Variants in PDE1A observed in about 807,000 individuals in gnomAD.
PDE1A encodes the protein dual specificity calcium/calmodulin-dependent 3',5'-cyclic nucleotide phosphodiesterase 1A.
Under a neutral mutation model 61.7 loss-of-function variants are expected in PDE1A, and 35 were observed. That is an observed-to-expected ratio of 0.57 (90% CI 0.43 to 0.75). PDE1A has a LOEUF of 0.75. Ranked by LOEUF, PDE1A falls within the 30% of genes least tolerant of loss-of-function variation. PDE1A has a pLI of 0.00. For synonymous variants in PDE1A, 232 were observed against 213.2 expected (o/e 1.09, Z -0.77); for missense variants, 597 against 630.6 (o/e 0.95, Z 0.57).
At chr2:182,705,857 T>A in the PDE1A span, among the ~76,000 whole-genome samples, 1 of 152,130 alleles carries the variant, frequency 6.6e-6, no homozygotes, top group African/African-American at 2.4e-5. Flanking sequence ...GACAGTAGAG[T>A]TAAACAGTTA....
intron 13 of PDE1A, among the ~76,000 whole-genome samples, chr2:182,172,706 A>G (rs902245222): frequency 1.3e-5 from 2 of 152,106 alleles, no homozygotes; most frequent in Non-Finnish European, 2.9e-5. Flanking sequence ...TTATAAAACT[A>G]AATGATAGGC....
At chr2:182,330,344 T>TA (rs11340321) in intron 1 of PDE1A, among the ~76,000 whole-genome samples, 12 of 147,828 alleles carry the variant, frequency 8.1e-5, no homozygotes, top group African/African-American at 3.0e-4. Context: ...AACTCAGTCT[T>TA]AAAAAAAAAA....
exon 1 of PDE1A, chr2:182,426,601 T>A: frequency 6.2e-7 from 1 of 1,612,312 alleles, no homozygotes; most frequent in Non-Finnish European, 8.5e-7. Context: ...TTTGGAGATG[T>A]TTCTTCCTGA....
intron 6 of PDE1A, among the ~76,000 whole-genome samples, chr2:182,225,549 C>G (rs1574072712): frequency 6.6e-6 from 1 of 151,934 alleles, no homozygotes; most frequent in Non-Finnish European, 1.5e-5. Context: ...GGTAAGAGAC[C>G]ATGGAATCAG....
intron 1 of PDE1A, among the ~76,000 whole-genome samples, chr2:182,359,894 T>G (rs907264675): frequency 6.6e-6 from 1 of 152,140 alleles, no homozygotes; most frequent in Non-Finnish European, 1.5e-5. Flanking sequence ...GACATGTTTA[T>G]TTAGCTTTGT....
chr2:182,489,398 A>G (rs1463025052), intron 2 of PDE1A, among the ~76,000 whole-genome samples: 2 of 152,258 alleles, frequency 1.3e-5, no homozygotes, highest in East Asian at 3.8e-4. Flanking sequence ...AAGTGACATG[A>G]TCTAGCTTCC....
chr2:182,310,295 A>C (rs1253980910), intron 1 of PDE1A, among the ~76,000 whole-genome samples: 2 of 152,202 alleles, frequency 1.3e-5, no homozygotes, highest in Non-Finnish European at 2.9e-5. Flanking sequence ...ATAACTTATT[A>C]ATATCTTCTC....
the PDE1A span, among the ~76,000 whole-genome samples, chr2:182,637,546 A>G: frequency 2.0e-5 from 3 of 152,234 alleles, no homozygotes; most frequent in Admixed American, 1.3e-4. Flanking sequence ...TGTGGCTAAT[A>G]TAAGAAAATA....
At chr2:182,670,919 G>C in the PDE1A span, among the ~76,000 whole-genome samples, 4 of 151,988 alleles carry the variant, frequency 2.6e-5, no homozygotes, top group African/African-American at 9.7e-5. Flanking sequence ...CTGGGTTCAA[G>C]TGATTCTCCT....
the PDE1A span, among the ~76,000 whole-genome samples, chr2:182,577,827 G>A: frequency 1.3e-5 from 2 of 152,084 alleles, no homozygotes; most frequent in African/African-American, 4.8e-5. Context: ...GGCTGAGGTA[G>A]GAGAATCGCT....
intron 1 of PDE1A, among the ~76,000 whole-genome samples, chr2:182,426,335 G>A (rs1259293726): frequency 6.6e-6 from 1 of 152,204 alleles, no homozygotes; most frequent in Non-Finnish European, 1.5e-5. Flanking sequence ...CCAGTACTAT[G>A]TCACTTATGT....
the PDE1A span, among the ~76,000 whole-genome samples, chr2:182,627,219 AATAAT>A: frequency 1.4e-3 from 39 of 27,576 alleles, 2 homozygotes; most frequent in Admixed American, 1.9e-3. Flanking sequence ...ATAAAATATA[AATAAT>A]ATATTATTTA....
At chr2:182,503,858 C>A (rs1446525835) in intron 2 of PDE1A, among the ~76,000 whole-genome samples, 1 of 152,070 alleles carries the variant, frequency 6.6e-6, no homozygotes, top group East Asian at 1.9e-4. Context: ...TTGTTATATC[C>A]CTGGTTCCTA....
intron 1 of PDE1A, among the ~76,000 whole-genome samples, chr2:182,391,209 G>A (rs1701400830): frequency 6.6e-6 from 1 of 152,056 alleles, no homozygotes; most frequent in Non-Finnish European, 1.5e-5. Flanking sequence ...ATCTAAGGAG[G>A]GCCCATATCC....
At chr2:182,502,984 C>T (rs1169486136) in intron 2 of PDE1A, among the ~76,000 whole-genome samples, 1 of 149,994 alleles carries the variant, frequency 6.7e-6, no homozygotes, top group Admixed American at 6.7e-5. Context: ...AACTGTAGAC[C>T]CAGTTGTTCA....
At chr2:182,174,363 T>TA (rs144170543) in intron 13 of PDE1A, among the ~76,000 whole-genome samples, 34,191 of 151,986 alleles carry the variant, frequency 0.22, 4,311 homozygotes, top group African/African-American at 0.32. Flanking sequence ...ATAAAGGTGG[T>TA]ACTCAGATAG....
chr2:182,494,703 C>T (rs1017318984), intron 2 of PDE1A, among the ~76,000 whole-genome samples: 11 of 151,480 alleles, frequency 7.3e-5, no homozygotes, highest in African/African-American at 2.4e-4. Context: ...TTTTTCAAAG[C>T]GAAGAATCTG....
chr2:182,713,505 C>T, the PDE1A span, among the ~76,000 whole-genome samples: 2 of 152,130 alleles, frequency 1.3e-5, no homozygotes, highest in South Asian at 4.1e-4. Context: ...GTGGCATGTG[C>T]CTGTAATCCC....
the PDE1A span, among the ~76,000 whole-genome samples, chr2:182,658,510 G>A: frequency 6.6e-6 from 1 of 152,162 alleles, no homozygotes; most frequent in Non-Finnish European, 1.5e-5. Flanking sequence ...AGTTCCAGAG[G>A]TTTGCACTTC....
Sources: gnomAD v4.1 joint callset for allele counts (sites outside exome capture counted in the v4.1 genomes callset) on GRCh38, gnomAD v4.1.1 for gene constraint, MANE v1.5 for transcripts, NCBI Gene and HGNC (gene_info 2026-07-23, HGNC 2026-07-21) for gene names.